Variants in BCAS3 observed in about 807,000 individuals in gnomAD.
The protein encoded by BCAS3 is BCAS3 microtubule associated cell migration factor.
BCAS3 carries 53 observed loss-of-function variants against 116.1 expected under a neutral mutation model. The observed-to-expected ratio is 0.46, with a 90% CI of 0.37 to 0.57. The LOEUF is 0.57. Among genes scored for constraint, BCAS3 ranks in the 20% least tolerant of loss-of-function variants. BCAS3 has a pLI of 0.00. For synonymous variants in BCAS3, 391 were observed against 408.2 expected (o/e 0.96, Z 0.51); for missense variants, 917 against 1,165.4 (o/e 0.79, Z 3.10).
At chr17:61,264,329 C>T (rs941860058) in intron 22 of BCAS3, among the ~76,000 whole-genome samples, 1 of 150,466 alleles carries the variant, frequency 6.6e-6, no homozygotes, top group Non-Finnish European at 1.5e-5. Flanking sequence ...AAAAAAGCAG[C>T]TGAAAAAAAT....
chr17:61,341,144 T>C (rs1027590160), intron 22 of BCAS3, among the ~76,000 whole-genome samples: 1 of 152,096 alleles, frequency 6.6e-6, no homozygotes, highest in Non-Finnish European at 1.5e-5. Context: ...GTGAGTGTGC[T>C]GAGGGCATGG....
At chr17:61,174,718 G>T (rs1386955117) in intron 22 of BCAS3, among the ~76,000 whole-genome samples, 2 of 152,118 alleles carry the variant, frequency 1.3e-5, no homozygotes, top group African/African-American at 4.8e-5. Flanking sequence ...TAAGGAAATG[G>T]CCAAAGTATG....
chr17:60,852,930 A>G (rs748298554), intron 7 of BCAS3, among the ~76,000 whole-genome samples: 17 of 152,350 alleles, frequency 1.1e-4, no homozygotes, highest in Non-Finnish European at 2.4e-4. Context: ...AAGATTAACC[A>G]ATTGCCCTCC....
At chr17:60,925,176 C>T (rs902333627) in intron 13 of BCAS3, among the ~76,000 whole-genome samples, 9 of 152,084 alleles carry the variant, frequency 5.9e-5, no homozygotes, top group African/African-American at 1.9e-4. Context: ...CTGCCTTAGC[C>T]TCCCAAAGTA....
chr17:61,357,266 A>AATT lies in BCAS3; in HGVS notation c.2426-11060_2426-11059insTTA, dbSNP rs2058195833. ...ACAAAAAATAAATAAATAAATAAAT[A>AATT]AATTAATTAATTAAATAAATAAATA... On this transcript the variant is annotated intron_variant, in intron 22 of 23. Transcript: ENST00000407086. 1.1e-4 allele frequency among the ~76,000 whole-genome samples: 8 copies of AATT among 74,804 alleles called. No homozygotes were observed. The South Asian group carries it at 3.8e-3, about 36-fold the overall frequency. The allele number at this position is 74,804 out of a possible 152,430, so 49.1% of individuals were successfully genotyped here. A position where few individuals can be genotyped will look rare whatever the true frequency, so the allele number is the denominator to read the frequency against.
At chr17:60,840,642 G>A (rs983596895) in intron 7 of BCAS3, among the ~76,000 whole-genome samples, 5 of 151,968 alleles carry the variant, frequency 3.3e-5, no homozygotes, top group South Asian at 2.1e-4. Context: ...TTTGTCTTAC[G>A]TAGAAACCGT....
At chr17:60,773,743 G>A (rs2044984813) in intron 6 of BCAS3, among the ~76,000 whole-genome samples, 1 of 152,106 alleles carries the variant, frequency 6.6e-6, no homozygotes, top group Non-Finnish European at 1.5e-5. Flanking sequence ...TGCCTCCCAG[G>A]GTCACGTGAT....
chr17:61,384,148 G>T (rs551817707), intron 23 of BCAS3, among the ~76,000 whole-genome samples: 1 of 152,188 alleles, frequency 6.6e-6, no homozygotes. Flanking sequence ...GCACCTGGCC[G>T]GGCATTCTCC....
intron 5 of BCAS3, 99 bp downstream of exon 5, chr17:60,709,424 T>C (rs889437600): frequency 5.6e-6 from 4 of 720,402 alleles, no homozygotes; most frequent in Non-Finnish European, 9.3e-6. Context: ...AGAGTCTCAC[T>C]CTTCGCCCAG....
chr17:60,727,235 A>G, intron 5 of BCAS3: 1 of 955,252 alleles, frequency 1.0e-6, no homozygotes, highest in South Asian at 1.3e-5. Flanking sequence ...TCTCTGAATG[A>G]CCACCATCCT....
intron 5 of BCAS3, among the ~76,000 whole-genome samples, chr17:60,739,308 T>TA (rs896093912): frequency 2.0e-5 from 3 of 152,118 alleles, no homozygotes; most frequent in African/African-American, 7.2e-5. Context: ...CTATTATCTG[T>TA]AAAAAAATCA....
At chr17:61,055,919 GGA>G (rs1488338276) in intron 19 of BCAS3, among the ~76,000 whole-genome samples, 1 of 152,158 alleles carries the variant, frequency 6.6e-6, no homozygotes, top group Non-Finnish European at 1.5e-5. Flanking sequence ...TATAGTGAAT[GGA>G]GAGAGTTACC....
chr17:61,329,315 T>A (rs2056014546), intron 22 of BCAS3, among the ~76,000 whole-genome samples: 1 of 150,392 alleles, frequency 6.6e-6, no homozygotes, highest in South Asian at 2.1e-4. Context: ...GACACAAACA[T>A]CCAGGCCATG....
rs2071681029 is a variant in BCAS3 at position 61,073,911 on chromosome 17, C to A, written c.2030-1009C>A. Among the ~76,000 whole-genome samples, 1 of 151,912 alleles carries A rather than the reference C, an allele frequency of 6.6e-6. No homozygotes were observed. The highest frequency in any genetic ancestry group is 1.5e-5 in the Non-Finnish European group (1 of 67,992). ...ATCACTTGAGGCCAGGAGTTTGACA[C>A]CAGCCTGGTCAACATTGTGAGATCC... is the stretch of plus-strand genomic sequence containing the variant. On this transcript the variant is annotated intron_variant, in intron 19 of 23. Coordinates refer to ENST00000407086, the MANE Select transcript of BCAS3 (RefSeq NM_017679.5). This position sits in a 1 kb window ranked among gnomAD's most constrained non-coding sequence, Gnocchi z 4.6.
Position 61,126,412 on chromosome 17 carries a change from A to G in BCAS3, c.2425+41848A>G, listed in dbSNP as rs2076049850. ...TGTTATCGCACGTGAACCACTGCCT[A>G]TGTTAAATAGGTTTTTCTTTCCTTT... On this transcript the variant is annotated intron_variant, in intron 22 of 23. Coordinates refer to ENST00000407086, the MANE Select transcript of BCAS3 (RefSeq NM_017679.5). This position sits in a 1 kb window ranked among gnomAD's most constrained non-coding sequence, Gnocchi z 4.6. Among the ~76,000 whole-genome samples, 1 of 152,180 alleles carries G rather than the reference A, an allele frequency of 6.6e-6. No individual in the cohort carries two copies.
chr17:61,273,176 T>C (rs1197568174), intron 22 of BCAS3, among the ~76,000 whole-genome samples: 1 of 151,628 alleles, frequency 6.6e-6, no homozygotes, highest in Non-Finnish European at 1.5e-5. Flanking sequence ...GGCATGATCA[T>C]GGCTCACTGG....
intron 6 of BCAS3, among the ~76,000 whole-genome samples, chr17:60,789,952 AT>A (rs775607520): frequency 1.3e-5 from 2 of 149,702 alleles, no homozygotes; most frequent in African/African-American, 2.5e-5. Context: ...AAATGAGAAT[AT>A]TTTTTTTTTC....
At chr17:60,807,736 C>T (rs1054572038) in intron 6 of BCAS3, among the ~76,000 whole-genome samples, 12 of 149,944 alleles carry the variant, frequency 8.0e-5, no homozygotes, top group South Asian at 2.1e-4. Context: ...GAGCTGCGAT[C>T]GTGCCACTGC....
rs891026736 is a variant in BCAS3 at position 61,380,176 on chromosome 17, A to G, written c.2593+11682A>G. The G allele has an allele frequency of 7.8e-5, 24 of 308,982 alleles. No individual in the cohort carries two copies. Among genetic ancestry groups the G allele is most frequent in the African/African-American group, 4.9e-4 (23 of 46,834 alleles). 19.1% of individuals were successfully genotyped at this position (308,982 alleles called of 1,614,324 possible). A position where few individuals can be genotyped will look rare whatever the true frequency, so the allele number is the denominator to read the frequency against. On this transcript the variant is annotated intron_variant, in intron 23 of 23. Transcript: ENST00000407086. The surrounding 1 kb of genome is among the most constrained non-coding windows in gnomAD (Gnocchi z 4.2). ...TTCTAAATCCACGGAAGCTGAGAGG[A>G]GGAAGAAAATCTGAGGGGTTACCCA...
Sources: gnomAD v4.1 joint callset for allele counts (sites outside exome capture counted in the v4.1 genomes callset) on GRCh38, gnomAD v4.1.1 for gene constraint, Gnocchi (gnomAD v3.1) non-coding constraint, MANE v1.5 for transcripts, NCBI Gene and HGNC (gene_info 2026-07-23, HGNC 2026-07-21) for gene names.